Variants in HSPA12A observed in about 807,000 individuals in gnomAD.
HSPA12A encodes the protein heat shock 70 kDa protein 12A.
A neutral mutation model predicts 69.2 loss-of-function variants in HSPA12A; 28 were observed. The ratio of observed to expected loss-of-function variants is 0.40; its 90% CI spans 0.30 to 0.55. The LOEUF (loss-of-function observed/expected upper bound fraction) is 0.55. Ranked by LOEUF, HSPA12A falls within the 20% of genes least tolerant of loss-of-function variation. HSPA12A has a pLI of 0.38. For missense variants in HSPA12A, 686 were observed against 900.7 expected, an observed-to-expected ratio of 0.76 and a Z score of 3.05; for synonymous variants, 345 against 370.5, an observed-to-expected ratio of 0.93 and a Z score of 0.79.
chr10:116,826,783 G>C (rs1217262156), intron 2 of HSPA12A, among the ~76,000 whole-genome samples: 2 of 152,138 alleles, frequency 1.3e-5, no homozygotes, highest in Admixed American at 1.3e-4. Context: ...GGACTATGTG[G>C]CTCTTTGTAC....
intron 2 of HSPA12A, among the ~76,000 whole-genome samples, chr10:116,813,272 G>A (rs1845231170): frequency 1.9e-5 from 1 of 52,678 alleles, no homozygotes; most frequent in South Asian, 6.4e-4. Flanking sequence ...TTGAGATGGA[G>A]TCTTGCTCTG....
At chr10:116,714,863 T>C (rs1250752726) in intron 1 of HSPA12A, among the ~76,000 whole-genome samples, 1 of 152,234 alleles carries the variant, frequency 6.6e-6, no homozygotes, top group South Asian at 2.1e-4. Context: ...CTGCCTAGCG[T>C]GCATCCTGCT....
At chr10:116,831,512 C>T (rs1845614290) in intron 2 of HSPA12A, 2 of 152,134 alleles carry the variant, frequency 1.3e-5, no homozygotes, top group South Asian at 4.1e-4. Context: ...AGCCAGATCT[C>T]GAAGGGCCAC....
chr10:116,818,468 C>G (rs2133194042), intron 2 of HSPA12A, among the ~76,000 whole-genome samples: 1 of 152,078 alleles, frequency 6.6e-6, no homozygotes, highest in East Asian at 1.9e-4. Flanking sequence ...CTCTTGGCCC[C>G]TGTAGGATTG....
chr10:116,781,950 T>A (rs1170125294), intron 2 of HSPA12A, among the ~76,000 whole-genome samples: 5 of 152,082 alleles, frequency 3.3e-5, no homozygotes, highest in Admixed American at 2.6e-4. Flanking sequence ...AAAAAGGAAG[T>A]CTCAAACTGG....
chr10:116,828,546 C>T (rs1845553893), intron 2 of HSPA12A, among the ~76,000 whole-genome samples: 3 of 152,338 alleles, frequency 2.0e-5, no homozygotes, highest in Admixed American at 1.3e-4. Flanking sequence ...TAACTCGATG[C>T]ATGCTTCACA....
At chr10:116,737,723 G>A (rs550234969) in intron 1 of HSPA12A, among the ~76,000 whole-genome samples, 4 of 152,362 alleles carry the variant, frequency 2.6e-5, no homozygotes, top group Admixed American at 2.0e-4. Context: ...TGGAGCAGCT[G>A]CCAGCCCCGC....
intron 1 of HSPA12A, among the ~76,000 whole-genome samples, chr10:116,717,188 G>A (rs1199500517): frequency 1.5e-4 from 23 of 152,104 alleles, no homozygotes; most frequent in Admixed American, 1.5e-3. Context: ...GGGTAAGAAA[G>A]AAGCCCGCAT....
chr10:116,800,125 T>C (rs1331062096), intron 2 of HSPA12A, among the ~76,000 whole-genome samples: 1 of 152,190 alleles, frequency 6.6e-6, no homozygotes, highest in Non-Finnish European at 1.5e-5. Context: ...AACAAGCTGA[T>C]ACCATGGGCA....
chr10:116,718,323 G>C (rs1638426), intron 1 of HSPA12A, among the ~76,000 whole-genome samples: 8,695 of 152,244 alleles, frequency 0.057, 414 homozygotes, highest in East Asian at 0.26. Flanking sequence ...GGAGGGGAGA[G>C]GGAAGAGGAG....
intron 2 of HSPA12A, among the ~76,000 whole-genome samples, chr10:116,784,260 C>T (rs1412679162): frequency 6.6e-6 from 1 of 152,222 alleles, no homozygotes; most frequent in African/African-American, 2.4e-5. Context: ...TGGGCAGTGG[C>T]TGGGGTGATG....
In HSPA12A at chr10:116,754,282, G is replaced by A. The variant is rs554785241; in HGVS notation, c.92-46997C>T. ...CCATCCCCCCTCAGCTCACTGCGAG[G>A]ATGGAAAGTGCTAAGATCTGGATAA... On this transcript the variant is annotated intron_variant, in intron 2 of 12. Transcript: ENST00000635765. Among the ~76,000 whole-genome samples, 197 of 152,274 alleles carry A rather than the reference G, an allele frequency of 1.3e-3. 5 individuals carry two copies. In the South Asian group the frequency reaches 0.04, roughly 31 times the overall value.
intron 6 of HSPA12A, among the ~76,000 whole-genome samples, chr10:116,685,963 G>A (rs1253344656): frequency 1.3e-5 from 2 of 152,226 alleles, no homozygotes; most frequent in South Asian, 2.1e-4. Flanking sequence ...CCTCAGCTAC[G>A]GCCAACCACC....
intron 1 of HSPA12A, among the ~76,000 whole-genome samples, chr10:116,737,473 C>T (rs1425660464): frequency 2.6e-5 from 4 of 152,212 alleles, no homozygotes; most frequent in Non-Finnish European, 5.9e-5. Context: ...TACTGCCTCC[C>T]TCATCCGTCT....
At chr10:116,787,014 A>ACG (rs1554892450) in intron 2 of HSPA12A, among the ~76,000 whole-genome samples, 1 of 149,318 alleles carries the variant, frequency 6.7e-6, no homozygotes, top group African/African-American at 2.5e-5. Context: ...ACACATACAC[A>ACG]CACGCACGCA....
chr10:116,816,796 AC>A (rs1845315351), intron 2 of HSPA12A, among the ~76,000 whole-genome samples: 1 of 152,192 alleles, frequency 6.6e-6, no homozygotes, highest in Non-Finnish European at 1.5e-5. Flanking sequence ...AGTTTCTGGT[AC>A]TATGGTTTAA....
chr10:116,761,731 C>T lies in HSPA12A; in HGVS notation c.92-54446G>A, dbSNP rs192300411. The stretch of plus-strand genomic sequence containing the variant: ...ACAAAACAAAATCCTTGATCTAAAA[C>T]GTGAAGGTGGAAGGAAAAACAGAAC... On this transcript the variant is annotated intron_variant, in intron 2 of 12. Coordinates refer to the HSPA12A transcript ENST00000635765. Among the ~76,000 whole-genome samples, 186 of 151,730 alleles carry T rather than the reference C, an allele frequency of 1.2e-3. 1 individual carries two copies. The highest frequency in any genetic ancestry group is 0.01 in the Middle Eastern group (3 of 294).
rs549492050 is a variant in HSPA12A at position 116,691,009 on chromosome 10, T to C, written c.663+1342A>G. 3.9e-5 allele frequency among the ~76,000 whole-genome samples: 6 copies of C among 152,364 alleles called. No individual in the cohort carries two copies. The East Asian group carries it at 9.6e-4, about 24-fold the overall frequency. On this transcript the variant is annotated intron_variant, in intron 6 of 11. Coordinates refer to ENST00000369209, the MANE Select transcript of HSPA12A (RefSeq NM_025015.3). ...GGGCCCTGCCGGAAGGCTGACACTATGGAGCTTGTGCTCCGTGATGCCCAG... is the reference window on the plus strand; with the variant it reads ...GGGCCCTGCCGGAAGGCTGACACTACGGAGCTTGTGCTCCGTGATGCCCAG...
intron 3 of HSPA12A, among the ~76,000 whole-genome samples, chr10:116,702,588 C>T (rs964003032): frequency 5.3e-5 from 8 of 152,150 alleles, no homozygotes; most frequent in South Asian, 2.1e-4. Flanking sequence ...CCGAGGTGAC[C>T]GCACTGAGAC....
Sources: allele counts gnomAD v4.1 joint callset (sites outside exome capture counted in the v4.1 genomes callset), GRCh38; gene constraint gnomAD v4.1.1; transcripts MANE v1.5; gene names NCBI Gene and HGNC (gene_info 2026-07-23, HGNC 2026-07-21).